PCDH15: variants seen among roughly 807,000 people sequenced by gnomAD.
The protein encoded by PCDH15 is protocadherin related 15.
Under a neutral mutation model 178.5 loss-of-function variants are expected in PCDH15, and 129 were observed. The ratio of observed to expected loss-of-function variants is 0.72; its 90% CI spans 0.63 to 0.84. PCDH15 has a LOEUF of 0.84. PCDH15 is among the 40% of genes least tolerant of loss of function. The probability of loss-of-function intolerance (pLI) is 0.00; values close to 1 mark genes in which losing one functional copy is unlikely to be tolerated. For synonymous variants in PCDH15, 800 were observed against 732.0 expected (o/e 1.09, Z -1.50); for missense variants, 2,230 against 2,099.9 (o/e 1.06, Z -1.21).
chr10:55,266,529 T>A (rs1278275843), intron 1 of PCDH15, among the ~76,000 whole-genome samples: 1 of 152,220 alleles, frequency 6.6e-6, no homozygotes, highest in Non-Finnish European at 1.5e-5. Context: ...TTTCTGTTTT[T>A]GTTCCTAAAT....
chr10:54,439,160 T>C (rs2075633893), intron 3 of PCDH15, among the ~76,000 whole-genome samples: 1 of 151,904 alleles, frequency 6.6e-6, no homozygotes, highest in African/African-American at 2.4e-5. Context: ...AATTTGAAAA[T>C]AGGAATTTTA....
chr10:54,376,163 G>C (rs926452828), intron 4 of PCDH15, among the ~76,000 whole-genome samples: 1 of 151,358 alleles, frequency 6.6e-6, no homozygotes, highest in African/African-American at 2.4e-5. Context: ...CCAAAGTGCT[G>C]GGATTACAGG....
chr10:54,146,508 G>A (rs1385168197), intron 14 of PCDH15, among the ~76,000 whole-genome samples: 14 of 151,590 alleles, frequency 9.2e-5, no homozygotes, highest in African/African-American at 3.4e-4. Flanking sequence ...CAATATACAC[G>A]ACTAAAGAAT....
At chr10:54,379,698 A>C (rs1948942328) in intron 3 of PCDH15, among the ~76,000 whole-genome samples, 1 of 152,156 alleles carries the variant, frequency 6.6e-6, no homozygotes. Context: ...GAATGCAAAC[A>C]GCACTGATGC....
intron 13 of PCDH15, among the ~76,000 whole-genome samples, chr10:54,173,482 A>G (rs2047108881): frequency 6.6e-6 from 1 of 152,202 alleles, no homozygotes; most frequent in African/African-American, 2.4e-5. Flanking sequence ...TGGAAGTACT[A>G]CGTTATAGGG....
chr10:54,130,105 A>T (rs1451496232), intron 15 of PCDH15, among the ~76,000 whole-genome samples: 4 of 151,556 alleles, frequency 2.6e-5, no homozygotes, highest in South Asian at 2.1e-4. Flanking sequence ...TTAGTATGAT[A>T]AAAATAGATA....
At chr10:54,415,621 T>C (rs985678984) in intron 3 of PCDH15, among the ~76,000 whole-genome samples, 1 of 124,952 alleles carries the variant, frequency 8.0e-6, no homozygotes, top group Non-Finnish European at 1.8e-5. Context: ...AAGAAAATAG[T>C]TGAACATAAT....
chr10:54,357,219 T>G (rs1302726665), intron 5 of PCDH15, among the ~76,000 whole-genome samples: 2 of 152,128 alleles, frequency 1.3e-5, no homozygotes, highest in Non-Finnish European at 1.5e-5. Flanking sequence ...GGAAGTCAAA[T>G]TGTCCCTGTT....
intron 5 of PCDH15, among the ~76,000 whole-genome samples, chr10:54,346,864 T>C (rs908242641): frequency 6.6e-6 from 1 of 152,210 alleles, no homozygotes; most frequent in Non-Finnish European, 1.5e-5. Context: ...AAAGTTAGTT[T>C]AAAATAAACG....
At chr10:54,127,915 CATT>C (rs2042116298) in intron 15 of PCDH15, among the ~76,000 whole-genome samples, 1 of 152,096 alleles carries the variant, frequency 6.6e-6, no homozygotes, top group Non-Finnish European at 1.5e-5. Flanking sequence ...ATGCCTTACT[CATT>C]ATTTTTAAAT....
chr10:53,905,246 C>A (rs752903479), intron 25 of PCDH15: 1 of 518,250 alleles, frequency 1.9e-6, no homozygotes, highest in Non-Finnish European at 3.9e-6. Context: ...ATGTGTCCTG[C>A]ATTCTGATAT....
chr10:54,185,253 G>A lies in PCDH15; in HGVS notation c.1321C>T (p.Leu441Phe), dbSNP rs746501228. Reference protein sequence around the residue: ...KDIEDTKDPELHLFLNDYTSV... With the variant: ...KDIEDTKDPEFHLFLNDYTSV... ...GTGTAGTCATTCAGAAAAAGGTGAA[G>A]CTCTGGGTCTTTTGTCTTTGAAAAA... Residue 441 changes from leucine (L) to phenylalanine (F), a missense_variant, in exon 12 of 38, where the codon CTT becomes TTT. Physicochemically the swap from Leu to Phe is conservative, Grantham distance 22 (BLOSUM62 0). Transcript: ENST00000644397. 1 of 1,613,220 alleles carries A rather than the reference G, an allele frequency of 6.2e-7. No individual in the cohort carries two copies. Among genetic ancestry groups the A allele is most frequent in the Non-Finnish European group, 8.5e-7 (1 of 1,179,610 alleles).
At chr10:53,965,674 A>T (rs2088936492) in intron 21 of PCDH15, among the ~76,000 whole-genome samples, 2 of 152,166 alleles carry the variant, frequency 1.3e-5, no homozygotes, top group African/African-American at 4.8e-5. Flanking sequence ...TCACCTCCAG[A>T]ACAGGAGGTC....
intron 2 of PCDH15, among the ~76,000 whole-genome samples, chr10:55,611,046 T>G (rs1843355633): frequency 6.6e-6 from 1 of 152,152 alleles, no homozygotes; most frequent in East Asian, 1.9e-4. Flanking sequence ...TTTTCATTTC[T>G]TAAATTAGAA....
intron 3 of PCDH15, among the ~76,000 whole-genome samples, chr10:54,832,610 T>G (rs1439759380): frequency 6.6e-6 from 1 of 152,208 alleles, no homozygotes; most frequent in Non-Finnish European, 1.5e-5. Flanking sequence ...ATAAAAATTG[T>G]GTTTTCTGAT....
At chr10:54,812,522 G>C (rs764231343) in intron 3 of PCDH15, among the ~76,000 whole-genome samples, 2 of 151,904 alleles carry the variant, frequency 1.3e-5, no homozygotes, top group South Asian at 2.1e-4. Flanking sequence ...GCAGTGGCGC[G>C]ATCTCAGCTC....
At chr10:55,109,790 T>C (rs1340446183) in intron 2 of PCDH15, among the ~76,000 whole-genome samples, 1 of 152,054 alleles carries the variant, frequency 6.6e-6, no homozygotes, top group African/African-American at 2.4e-5. Flanking sequence ...AATATACATA[T>C]ATGGAATAAA....
intron 2 of PCDH15, among the ~76,000 whole-genome samples, chr10:55,598,956 C>A (rs41517949): frequency 8.6e-5 from 13 of 151,836 alleles, no homozygotes; most frequent in Admixed American, 8.5e-4. Flanking sequence ...CAGCTCCAAG[C>A]CTTGCTAAAA....
At chr10:54,296,591 G>A (rs2133158777) in intron 8 of PCDH15, among the ~76,000 whole-genome samples, 1 of 152,032 alleles carries the variant, frequency 6.6e-6, no homozygotes, top group Admixed American at 6.6e-5. Context: ...TAAACTTTAG[G>A]ACTCTATTCC....
Sources: gnomAD v4.1 joint callset for allele counts (sites outside exome capture counted in the v4.1 genomes callset) on GRCh38, gnomAD v4.1.1 for gene constraint, MANE v1.5 for transcripts, NCBI Gene and HGNC (gene_info 2026-07-23, HGNC 2026-07-21) for gene names.